The following ARNT2 variants were observed in gnomAD, a reference collection of about 807,000 sequenced individuals.
The protein encoded by ARNT2 is ARNT protein 2.
ARNT2 carries 36 observed loss-of-function variants against 91.7 expected under a neutral mutation model. That is an observed-to-expected ratio of 0.39 (90% CI 0.30 to 0.52). The LOEUF (loss-of-function observed/expected upper bound fraction) is 0.52. ARNT2 is among the 20% of genes least tolerant of loss of function. The pLI is 0.72. For missense variants in ARNT2, 775 were observed against 939.3 expected (o/e 0.83, Z 2.29); for synonymous variants, 365 against 347.1 (o/e 1.05, Z -0.57).
At chr15:80,491,416 G>C (rs779712236) in intron 5 of ARNT2, among the ~76,000 whole-genome samples, 17 of 152,098 alleles carry the variant, frequency 1.1e-4, no homozygotes, top group Non-Finnish European at 1.3e-4. Context: ...AGAACAGCAC[G>C]TGAAAGACCT....
chr15:80,420,615 A>G (rs1294911532), intron 1 of ARNT2, among the ~76,000 whole-genome samples: 2 of 151,832 alleles, frequency 1.3e-5, no homozygotes, highest in East Asian at 3.9e-4. Context: ...TATATTATGA[A>G]CATATGAATA....
intron 1 of ARNT2, among the ~76,000 whole-genome samples, chr15:80,412,874 T>C (rs982175220): frequency 2.6e-5 from 4 of 152,218 alleles, no homozygotes; most frequent in African/African-American, 7.2e-5. Context: ...AGAGAGAGGC[T>C]CAGAGATTTA....
chr15:80,529,960 T>G (rs1897708948), intron 8 of ARNT2, among the ~76,000 whole-genome samples: 2 of 152,256 alleles, frequency 1.3e-5, no homozygotes, highest in Non-Finnish European at 2.9e-5. Flanking sequence ...TTATGTCCTC[T>G]TATGTCACAC....
At chr15:80,506,184 C>T (rs954220285) in intron 5 of ARNT2, among the ~76,000 whole-genome samples, 1 of 152,132 alleles carries the variant, frequency 6.6e-6, no homozygotes, top group Non-Finnish European at 1.5e-5. Flanking sequence ...GATCCACCCG[C>T]CTCGGCCTCC....
At chr15:80,434,126 G>T (rs768910103) in intron 1 of ARNT2, 1 of 152,248 alleles carries the variant, frequency 6.6e-6, no homozygotes, top group Non-Finnish European at 1.5e-5. Context: ...GGGGAAAAAG[G>T]CTTCTGGCTT....
intron 4 of ARNT2, among the ~76,000 whole-genome samples, chr15:80,471,479 A>C (rs771879903): frequency 1.3e-4 from 20 of 152,184 alleles, no homozygotes; most frequent in Non-Finnish European, 2.2e-4. Flanking sequence ...AATTTTCGTG[A>C]CATGAGTTTA....
At chr15:80,519,860 A>ATT (rs539637778) in intron 8 of ARNT2, among the ~76,000 whole-genome samples, 41,102 of 119,020 alleles carry the variant, frequency 0.35, 6,826 homozygotes, top group African/African-American at 0.39. Flanking sequence ...AATTTTTTGT[A>ATT]TTTTTTTTTT....
chr15:80,553,319 A>G (rs1232922188), intron 10 of ARNT2, among the ~76,000 whole-genome samples: 1 of 152,200 alleles, frequency 6.6e-6, no homozygotes, highest in Non-Finnish European at 1.5e-5. Flanking sequence ...TAAGGGCCTT[A>G]ATTGTGTCCT....
At chr15:80,535,092 G>C (rs953147547) in intron 8 of ARNT2, among the ~76,000 whole-genome samples, 2 of 152,182 alleles carry the variant, frequency 1.3e-5, no homozygotes, top group African/African-American at 4.8e-5. Context: ...AAGAGGAGGT[G>C]GGTAGGATCA....
chr15:80,537,445 A>T (rs1596003673), intron 8 of ARNT2, among the ~76,000 whole-genome samples: 1 of 152,198 alleles, frequency 6.6e-6, no homozygotes, highest in South Asian at 2.1e-4. Context: ...CCTAATTATT[A>T]TTGAGAGAAT....
At chr15:80,534,804 A>G (rs1566995433) in intron 8 of ARNT2, among the ~76,000 whole-genome samples, 1 of 152,196 alleles carries the variant, frequency 6.6e-6, no homozygotes, top group African/African-American at 2.4e-5. Flanking sequence ...GTATTTCTGA[A>G]GATAGCTAAG....
At chr15:80,554,168 G>T (rs191930946) in intron 10 of ARNT2, among the ~76,000 whole-genome samples, 69 of 152,312 alleles carry the variant, frequency 4.5e-4, no homozygotes, top group African/African-American at 1.2e-3. Context: ...TAGCACTTTG[G>T]GGGGCCAAGG....
rs946604365 is a variant in ARNT2 at position 80,597,400 on chromosome 15, G to A, written c.*3702G>A. On this transcript the variant is annotated 3_prime_UTR_variant, in exon 19 of 19. Transcript: ENST00000303329. ...AGAAAATATGGGCTTGGCCTAAGTC[G>A]CTGTCTCCTAACCTGCCGGGGTCAT... 3.6e-5 allele frequency: 16 copies of A among 441,596 alleles called. No homozygotes were observed. The highest frequency in any genetic ancestry group is 1.3e-4 in the South Asian group (8 of 59,954). The allele number at this position is 441,596 out of a possible 1,614,324, so 27.4% of individuals were successfully genotyped here. A position where few individuals can be genotyped will look rare whatever the true frequency, so the allele number is the denominator to read the frequency against.
At position 80,596,199 on chromosome 15, in the gene ARNT2, G is replaced by C. The variant is rs1893372451; in HGVS notation, c.*2501G>C. The C allele has an allele frequency of 6.6e-6, 1 of 152,212 alleles. No individual in the cohort carries two copies. Among genetic ancestry groups the C allele is most frequent in the South Asian group, 2.1e-4 (1 of 4,822 alleles). 9.4% of individuals were successfully genotyped at this position (152,212 alleles called of 1,614,324 possible). A position where few individuals can be genotyped will look rare whatever the true frequency, so the allele number is the denominator to read the frequency against. ...CCTCAACAGGGGTCCAGGGTGCAGT[G>C]AACTCAGTTCTTGGCCCTTGGGTGA... On this transcript the variant is annotated 3_prime_UTR_variant, in exon 19 of 19. Transcript: ENST00000303329.
chr15:80,530,655 C>T (rs573325465), intron 8 of ARNT2, among the ~76,000 whole-genome samples: 4 of 152,224 alleles, frequency 2.6e-5, no homozygotes, highest in East Asian at 1.9e-4. Flanking sequence ...TGGGGAGGGA[C>T]GGGTAGTTAC....
At chr15:80,413,090 T>A (rs1895711079) in intron 1 of ARNT2, among the ~76,000 whole-genome samples, 1 of 152,230 alleles carries the variant, frequency 6.6e-6, no homozygotes, top group Non-Finnish European at 1.5e-5. Flanking sequence ...GCTTTTTAAT[T>A]AACTGCTGTT....
Position 80,524,748 on chromosome 15 carries a change from G to A in ARNT2, c.877+10343G>A, listed in dbSNP as rs542481535. 4.8e-3 allele frequency among the ~76,000 whole-genome samples: 729 copies of A among 151,986 alleles called. 7 individuals carry two copies. Among genetic ancestry groups the A allele is most frequent in the Middle Eastern group, 0.014 (4 of 294 alleles). ...AAATTAGCTGGGCGTGGTGGCGGGC[G>A]CCTGTAGTCCCAGCTACTCGGGAGG... On this transcript the variant is annotated intron_variant, in intron 8 of 18. Transcript: ENST00000303329.
Position 80,597,417 on chromosome 15 carries a change from C to T in ARNT2, c.*3719C>T, listed in dbSNP as rs1311980944. The T allele has an allele frequency of 2.6e-5, 10 of 384,540 alleles. No individual in the cohort carries two copies. Among genetic ancestry groups the T allele is most frequent in the South Asian group, 9.6e-5 (5 of 51,878 alleles). 23.8% of individuals were successfully genotyped at this position (384,540 alleles called of 1,614,324 possible). The stretch of plus-strand genomic sequence containing the variant: ...CCTAAGTCGCTGTCTCCTAACCTGC[C>T]GGGGTCATTCCCCACCAAACACCCC... On this transcript the variant is annotated 3_prime_UTR_variant, in exon 19 of 19. Transcript: ENST00000303329.
chr15:80,578,858 A>C (rs2141479258), intron 15 of ARNT2, among the ~76,000 whole-genome samples: 1 of 152,340 alleles, frequency 6.6e-6, no homozygotes, highest in African/African-American at 2.4e-5. Context: ...TTTCCTGTAT[A>C]TCCGAAGGAT....
Sources: gnomAD v4.1 joint callset for allele counts (sites outside exome capture counted in the v4.1 genomes callset) on GRCh38, gnomAD v4.1.1 for gene constraint, MANE v1.5 for transcripts, NCBI Gene and HGNC (gene_info 2026-07-23, HGNC 2026-07-21) for gene names.